NWD1: variants seen among roughly 807,000 people sequenced by gnomAD.
NWD1 encodes the protein NACHT domain- and WD repeat-containing protein 1.
In NWD1, 129 loss-of-function variants were observed where a neutral mutation model predicts 135.1. The observed-to-expected ratio is 0.96, with a 90% CI of 0.83 to 1.11. The LOEUF (loss-of-function observed/expected upper bound fraction) is 1.11, where lower values mean the gene tolerates loss of function less well. NWD1 is among the 50% of genes least tolerant of loss of function. The pLI is 0.00. For missense variants in NWD1, 1,740 were observed against 1,851.3 expected (o/e 0.94, Z 1.10); for synonymous variants, 773 against 786.0 (o/e 0.98, Z 0.28).
chr19:16,740,618 G>A (rs1028561010), intron 4 of NWD1, among the ~76,000 whole-genome samples: 4 of 149,992 alleles, frequency 2.7e-5, no homozygotes, highest in Non-Finnish European at 5.9e-5. Context: ...GATTACAGGC[G>A]TGAGCCACTG....
intron 3 of NWD1, among the ~76,000 whole-genome samples, chr19:16,732,677 T>C (rs74595336): frequency 1.2e-5 from 1 of 85,158 alleles, no homozygotes; most frequent in Non-Finnish European, 2.1e-5. Context: ...AAAGAAAAAG[T>C]GAAAAAGTGC....
At chr19:16,785,413 A>G (rs1402401647) in intron 12 of NWD1, among the ~76,000 whole-genome samples, 2 of 151,942 alleles carry the variant, frequency 1.3e-5, no homozygotes, top group Non-Finnish European at 2.9e-5. Context: ...CAGGAGGCTG[A>G]GGCAGGAGAA....
At chr19:16,800,706 G>A (rs1001577977) in intron 17 of NWD1, among the ~76,000 whole-genome samples, 1 of 152,114 alleles carries the variant, frequency 6.6e-6, no homozygotes, top group Non-Finnish European at 1.5e-5. Flanking sequence ...TGTCCCCAGA[G>A]AGAGAGAGAA....
In NWD1 at chr19:16,749,665, G is replaced by A. The variant is rs745488114; in HGVS notation, c.1023G>A (p.Gly341=). The change falls in exon 6 of 19, where the codon GGG becomes GGA. Residue 341 remains glycine (G), a synonymous_variant. Transcript: ENST00000524140. ...AGCACACCCCCCTGGTACTCTTTGG[G>A]CCCCCAGGCATTGGAAAGACAGCCC... ...SKQHTPLVLF[G]PPGIGKTALM... is the part of the protein sequence containing the mutation. 6.2e-7 allele frequency: 1 copy of A among 1,600,674 alleles called. No individual in the cohort carries two copies. The highest frequency in any genetic ancestry group is 1.1e-5 in the South Asian group (1 of 89,744).
chr19:16,793,558 T>G (rs562963384), intron 14 of NWD1, among the ~76,000 whole-genome samples: 1 of 134,332 alleles, frequency 7.4e-6, no homozygotes, highest in East Asian at 2.2e-4. Flanking sequence ...TTTTTAACTG[T>G]TTTTTTGTTT....
Position 16,723,696 on chromosome 19 carries a change from T to C in NWD1, c.-104-670T>C, listed in dbSNP as rs142521652. On this transcript the variant is annotated intron_variant, in intron 1 of 18. Coordinates refer to ENST00000524140, the MANE Select transcript of NWD1 (RefSeq NM_001007525.5). The stretch of plus-strand genomic sequence containing the variant: ...TTTTTCTGTTTTGTTTTGTTTTGTT[T>C]TGTTTTGTTTTGTTTTGTTTTGAGA... Among the ~76,000 whole-genome samples, 720 of 151,962 alleles carry C rather than the reference T, an allele frequency of 4.7e-3. 6 individuals are homozygous for C. Among genetic ancestry groups the C allele is most frequent in the Non-Finnish European group, 7.7e-3 (520 of 67,956 alleles).
At chr19:16,739,355 A>AAAT (rs1491391537) in intron 4 of NWD1, among the ~76,000 whole-genome samples, 3,691 of 130,442 alleles carry the variant, frequency 0.028, 93 homozygotes, top group Middle Eastern at 0.083. Flanking sequence ...AAAAAAAAAA[A>AAAT]TTATTTTTTT....
At chr19:16,797,634 C>G in intron 15 of NWD1, 98 bp from the exon 16 acceptor site, 1 of 1,148,544 alleles carries the variant, frequency 8.7e-7, no homozygotes, top group Admixed American at 2.1e-5. Flanking sequence ...AGGCATGAAC[C>G]ACCACATCCG....
chr19:16,756,316 A>C (rs913937884), intron 6 of NWD1, among the ~76,000 whole-genome samples: 3 of 152,168 alleles, frequency 2.0e-5, no homozygotes, highest in Non-Finnish European at 4.4e-5. Flanking sequence ...AGTGGATATC[A>C]CAAAGGTCTT....
intron 9 of NWD1, among the ~76,000 whole-genome samples, chr19:16,764,270 G>A (rs892761118): frequency 6.6e-6 from 1 of 152,032 alleles, no homozygotes; most frequent in Non-Finnish European, 1.5e-5. Context: ...GAAAACCCCT[G>A]CCTTATCATG....
chr19:16,757,944 T>C (rs986951612), intron 6 of NWD1, among the ~76,000 whole-genome samples: 1 of 151,374 alleles, frequency 6.6e-6, no homozygotes, highest in African/African-American at 2.4e-5. Context: ...CCCAGCTACA[T>C]GGGAGGCTGA....
At chr19:16,779,624 A>T (rs1429597019) in intron 12 of NWD1, among the ~76,000 whole-genome samples, 159 bp downstream of exon 12, 1 of 152,148 alleles carries the variant, frequency 6.6e-6, no homozygotes, top group Non-Finnish European at 1.5e-5. Context: ...CAAACACAGT[A>T]GTTTCAAACA....
At chr19:16,785,725 C>T (rs1317382918) in intron 12 of NWD1, among the ~76,000 whole-genome samples, 3 of 147,346 alleles carry the variant, frequency 2.0e-5, no homozygotes, top group African/African-American at 7.4e-5. Context: ...GTGAATAAAA[C>T]ATAAATATAT....
At chr19:16,794,331 A>G in intron 14 of NWD1, 132 bp from the exon 15 acceptor site, 1 of 562,524 alleles carries the variant, frequency 1.8e-6, no homozygotes, top group Non-Finnish European at 3.2e-6. Context: ...ATACCACCGC[A>G]CTCCTGCCTG....
chr19:16,804,698 T>C (rs1970700993), intron 17 of NWD1, among the ~76,000 whole-genome samples: 1 of 152,070 alleles, frequency 6.6e-6, no homozygotes, highest in African/African-American at 2.4e-5. Context: ...TTGTCTTGGG[T>C]TAAATTAATT....
intron 11 of NWD1, among the ~76,000 whole-genome samples, chr19:16,779,138 G>T (rs1424808979): frequency 6.6e-6 from 1 of 152,136 alleles, no homozygotes; most frequent in African/African-American, 2.4e-5. Context: ...ACCTAAGAGC[G>T]AAGTGAATGT....
intron 4 of NWD1, among the ~76,000 whole-genome samples, chr19:16,737,990 GA>G (rs1372955980): frequency 6.6e-6 from 1 of 150,516 alleles, no homozygotes; most frequent in African/African-American, 2.5e-5. Context: ...GAAAAGAAAA[GA>G]AAAGAAAAGA....
intron 17 of NWD1, among the ~76,000 whole-genome samples, chr19:16,800,568 G>C (rs567940923): frequency 6.6e-6 from 1 of 152,066 alleles, no homozygotes; most frequent in African/African-American, 2.4e-5. Flanking sequence ...CCATAGACTG[G>C]GTGGCATAAG....
At chr19:16,800,243 A>T in intron 17 of NWD1, 81 bp downstream of exon 17, 1 of 1,363,818 alleles carries the variant, frequency 7.3e-7, no homozygotes, top group Non-Finnish European at 1.0e-6. Context: ...GTAACAAATC[A>T]TCCCCACAGG....
Sources: allele counts gnomAD v4.1 joint callset (sites outside exome capture counted in the v4.1 genomes callset), GRCh38; gene constraint gnomAD v4.1.1; transcripts MANE v1.5; gene names NCBI Gene and HGNC (gene_info 2026-07-23, HGNC 2026-07-21).